The following PHKB variants were observed in gnomAD, a reference collection of about 807,000 sequenced individuals.
PHKB encodes the protein phosphorylase b kinase regulatory subunit beta.
PHKB carries 122 observed loss-of-function variants against 152.1 expected under a neutral mutation model. That is an observed-to-expected ratio of 0.80 (90% confidence interval 0.69 to 0.93). PHKB has a LOEUF of 0.93. PHKB is among the 40% of genes least tolerant of loss of function. The pLI is 0.00. For missense variants in PHKB, 1,304 were observed against 1,328.4 expected (o/e 0.98, Z 0.29); for synonymous variants, 436 against 464.9 (o/e 0.94, Z 0.80).
intron 26 of PHKB, among the ~76,000 whole-genome samples, chr16:47,673,427 G>GTA (rs1973670947): frequency 6.6e-6 from 1 of 152,066 alleles, no homozygotes; most frequent in Non-Finnish European, 1.5e-5. Flanking sequence ...TTGGAATTAA[G>GTA]TATAAAAGAA....
At chr16:47,571,854 T>G (rs1329427508) in intron 7 of PHKB, among the ~76,000 whole-genome samples, 1 of 152,214 alleles carries the variant, frequency 6.6e-6, no homozygotes, top group Non-Finnish European at 1.5e-5. Flanking sequence ...GTTGTGGTAC[T>G]CAAGGTTCAT....
At chr16:47,634,448 C>T (rs1015338769) in intron 14 of PHKB, among the ~76,000 whole-genome samples, 1 of 152,108 alleles carries the variant, frequency 6.6e-6, no homozygotes, top group African/African-American at 2.4e-5. Context: ...GATCAAGTTC[C>T]CTGCCCTCAG....
rs767495541 is a variant in PHKB at position 47,588,923 on chromosome 16, C to T, written c.889C>T (p.Leu297Phe). The T allele has an allele frequency of 6.2e-7, 1 of 1,613,664 alleles. No individual in the cohort carries two copies. Among genetic ancestry groups the T allele is most frequent in the Admixed American group, 1.7e-5 (1 of 59,968 alleles). ...SRSHNTDAAL[L>F]PCISYPAFAL... ...CCTCCAGAATACAGATGCTGCCCTG[C>T]TCCCCTGCATCAGTTATCCTGCATT... Residue 297 changes from leucine to phenylalanine, a missense_variant, in exon 10 of 31, where the codon CTC becomes TTC. By Grantham distance (22) the Leu-to-Phe change is conservative. Coordinates refer to ENST00000323584, the MANE Select transcript of PHKB (RefSeq NM_000293.3).
At chr16:47,483,724 CTTATAG>C (rs894065646) in intron 1 of PHKB, among the ~76,000 whole-genome samples, 18 of 152,186 alleles carry the variant, frequency 1.2e-4, no homozygotes, top group Non-Finnish European at 1.3e-4. Flanking sequence ...AATGAATTAC[CTTATAG>C]TTATAGTTAA....
intron 28 of PHKB, among the ~76,000 whole-genome samples, chr16:47,696,126 C>G (rs1213542731): frequency 6.6e-6 from 1 of 150,392 alleles, no homozygotes; most frequent in Non-Finnish European, 1.5e-5. Context: ...AAGTGGCCTT[C>G]TAACATAGTC....
At chr16:47,527,397 T>TA (rs1192995381) in intron 6 of PHKB, among the ~76,000 whole-genome samples, 2 of 151,996 alleles carry the variant, frequency 1.3e-5, no homozygotes, top group African/African-American at 4.8e-5. Flanking sequence ...CTTTATTTTT[T>TA]AAAAAAGATT....
In PHKB at chr16:47,596,548, G is replaced by A. The variant is rs768942306; in HGVS notation, c.1363+17G>A. The A allele has an allele frequency of 6.2e-7, 1 of 1,609,820 alleles. No homozygotes were observed. Among genetic ancestry groups the A allele is most frequent in the South Asian group, 1.1e-5 (1 of 90,856 alleles). On this transcript the variant is annotated intron_variant, in intron 13 of 30. Transcript: ENST00000323584. The stretch of plus-strand genomic sequence containing the variant: ...AACTCCTGGGTAAGTGGAGAAGATT[G>A]GGAATGGTATTTTTTTCCTTGTTAT...
chr16:47,570,857 T>A (rs1056223676), intron 7 of PHKB, among the ~76,000 whole-genome samples: 1 of 152,074 alleles, frequency 6.6e-6, no homozygotes, highest in East Asian at 2.0e-4. Context: ...TAAATAAAAC[T>A]GTTTTTTCAT....
intron 13 of PHKB, chr16:47,598,659 T>C (rs1972165442): frequency 2.0e-6 from 3 of 1,516,060 alleles, no homozygotes; most frequent in Non-Finnish European, 2.7e-6. Flanking sequence ...ATAATTATAT[T>C]GGCCATTTCC....
Position 47,625,193 on chromosome 16 carries a change from G to A in PHKB, c.1458+14273G>A, listed in dbSNP as rs377510803. 9.9e-5 allele frequency among the ~76,000 whole-genome samples: 15 copies of A among 152,238 alleles called. 1 individual carries two copies. The highest frequency in any genetic ancestry group is 4.1e-4 in the South Asian group (2 of 4,824). On this transcript the variant is annotated intron_variant, in intron 14 of 30. Transcript: ENST00000323584. ...AATCTCCATATGTCTACTCTGCCCC[G>A]TGCAAGTCATCTCTATATGGCAGCA...
intron 1 of PHKB, among the ~76,000 whole-genome samples, chr16:47,472,136 A>T (rs1224497849): frequency 6.6e-6 from 1 of 152,212 alleles, no homozygotes; most frequent in East Asian, 1.9e-4. Context: ...TTATATCATG[A>T]TGCTATTCTG....
chr16:47,562,161 A>T (rs2151682261), intron 7 of PHKB: 1 of 152,336 alleles, frequency 6.6e-6, no homozygotes, highest in Non-Finnish European at 1.5e-5. Flanking sequence ...TGGCTTGAGG[A>T]TGGCTCATTT....
At chr16:47,475,004 G>A (rs1429157309) in intron 1 of PHKB, among the ~76,000 whole-genome samples, 1 of 152,210 alleles carries the variant, frequency 6.6e-6, no homozygotes, top group African/African-American at 2.4e-5. Flanking sequence ...TATTACAGGT[G>A]TGTGCCACTG....
chr16:47,666,004 T>G, intron 25 of PHKB: 1 of 1,613,610 alleles, frequency 6.2e-7, no homozygotes, highest in Non-Finnish European at 8.5e-7. Flanking sequence ...GCCCCATCCA[T>G]TACTAATGTT....
intron 4 of PHKB, among the ~76,000 whole-genome samples, chr16:47,509,940 A>G (rs1359090852): frequency 6.6e-6 from 1 of 152,202 alleles, no homozygotes; most frequent in African/African-American, 2.4e-5. Flanking sequence ...TAAGTAGTAG[A>G]TCCCCAGGCT....
At chr16:47,582,637 T>C (rs1971866917) in intron 8 of PHKB, among the ~76,000 whole-genome samples, 1 of 152,208 alleles carries the variant, frequency 6.6e-6, no homozygotes, top group Admixed American at 6.5e-5. Context: ...GGAATTCTAA[T>C]ATACAATCAA....
intron 14 of PHKB, among the ~76,000 whole-genome samples, chr16:47,614,492 C>A (rs1330841082): frequency 6.6e-6 from 1 of 152,150 alleles, no homozygotes; most frequent in African/African-American, 2.4e-5. Flanking sequence ...TTTAATTATT[C>A]ATAATGTTCA....
At chr16:47,581,970 A>G (rs375971684) in intron 8 of PHKB, among the ~76,000 whole-genome samples, 1 of 152,136 alleles carries the variant, frequency 6.6e-6, no homozygotes, top group East Asian at 1.9e-4. Context: ...ATGAGCCACT[A>G]TGCGCGGCCG....
chr16:47,580,356 C>A lies in PHKB; in HGVS notation c.772C>A (p.Gln258Lys). The change falls in exon 8 of 31, where the codon CAG becomes AAG. Residue 258 changes from glutamine to lysine, a missense_variant and splice_region_variant. By Grantham distance (53) the Gln-to-Lys change is moderately conservative (BLOSUM62 1). Coordinates refer to ENST00000323584, the MANE Select transcript of PHKB (RefSeq NM_000293.3). ...AINGFNLFGN[Q>K]GCSWSVIFVD... Reference sequence around the variant, plus strand: ...TAATGGATTCAACCTTTTTGGCAACCAGGTAAAAAATAAGACCCCCAGAAT... The same window carrying A: ...TAATGGATTCAACCTTTTTGGCAACAAGGTAAAAAATAAGACCCCCAGAAT... The A allele has an allele frequency of 1.2e-6, 2 of 1,607,484 alleles. No individual in the cohort carries two copies. The highest frequency in any genetic ancestry group is 1.7e-6 in the Non-Finnish European group (2 of 1,174,422).
Sources: allele counts gnomAD v4.1 joint callset (sites outside exome capture counted in the v4.1 genomes callset), GRCh38; gene constraint gnomAD v4.1.1; transcripts MANE v1.5; gene names NCBI Gene and HGNC (gene_info 2026-07-23, HGNC 2026-07-21).